Variants in ANKFN1 observed in about 807,000 individuals in gnomAD.
ANKFN1 encodes the protein ankyrin repeat and fibronectin type-III domain-containing protein 1.
In ANKFN1, 74 loss-of-function variants were observed where a neutral mutation model predicts 108.7. The ratio of observed to expected loss-of-function variants is 0.68; its 90% CI spans 0.56 to 0.83. The LOEUF (loss-of-function observed/expected upper bound fraction) is 0.83, where lower values mean the gene tolerates loss of function less well. Ranked by LOEUF, ANKFN1 falls within the 40% of genes least tolerant of loss-of-function variation. The probability of loss-of-function intolerance (pLI) is 0.00; values close to 1 mark genes in which losing one functional copy is unlikely to be tolerated. For synonymous variants in ANKFN1, 547 were observed against 516.2 expected (o/e 1.06, Z -0.81); for missense variants, 1,505 against 1,382.3 (o/e 1.09, Z -1.41).
rs1598747005 is a variant in ANKFN1 at position 56,514,002 on chromosome 17, C to T, written c.*2733C>T. Among the ~76,000 whole-genome samples, 1 of 152,132 alleles carries T rather than the reference C, an allele frequency of 6.6e-6. No homozygotes were observed. The highest frequency in any genetic ancestry group is 2.4e-5 in the African/African-American group (1 of 41,430). On this transcript the variant is annotated 3_prime_UTR_variant, in exon 21 of 21. Transcript: ENST00000682825. ...AATTCACAGTCCTTTATTCATTTGG[C>T]CGACCTTCTACTTACAGAGACTTTA... is the stretch of plus-strand genomic sequence containing the variant.
intron 1 of ANKFN1, among the ~76,000 whole-genome samples, chr17:56,163,543 C>T (rs1909873757): frequency 6.6e-6 from 1 of 152,190 alleles, no homozygotes; most frequent in Non-Finnish European, 1.5e-5. Flanking sequence ...TGACCCATGC[C>T]GACTTTCATA....
chr17:56,395,821 C>T (rs887102901), intron 8 of ANKFN1, among the ~76,000 whole-genome samples: 2 of 152,118 alleles, frequency 1.3e-5, no homozygotes, highest in African/African-American at 4.8e-5. Context: ...TGCACTCCAG[C>T]CTGGCGACAG....
intron 4 of ANKFN1, among the ~76,000 whole-genome samples, chr17:56,327,815 G>A (rs1245794911): frequency 6.6e-6 from 1 of 152,186 alleles, no homozygotes; most frequent in African/African-American, 2.4e-5. Context: ...ATGTTTTCAT[G>A]AGAAACTACT....
chr17:56,398,227 GTACATGA>G (rs1346017885), intron 8 of ANKFN1, among the ~76,000 whole-genome samples: 1 of 152,096 alleles, frequency 6.6e-6, no homozygotes, highest in Non-Finnish European at 1.5e-5. Context: ...CTGGCACTTG[GTACATGA>G]TACATTATTG....
At chr17:56,118,841 C>G (rs1046585420) in intron 4 of ANKFN1, among the ~76,000 whole-genome samples, 2 of 152,222 alleles carry the variant, frequency 1.3e-5, no homozygotes, top group Middle Eastern at 3.4e-3. Flanking sequence ...GATTTGGTCT[C>G]TGTCCTTAAT....
chr17:56,491,823 CT>C, intron 18 of ANKFN1, among the ~76,000 whole-genome samples: 2 of 152,166 alleles, frequency 1.3e-5, no homozygotes, highest in South Asian at 4.1e-4. Context: ...TGCTACTTGG[CT>C]TTTTTTCTTT....
At chr17:56,101,604 C>T (rs1026933545) in intron 4 of ANKFN1, among the ~76,000 whole-genome samples, 1 of 152,182 alleles carries the variant, frequency 6.6e-6, no homozygotes, top group Non-Finnish European at 1.5e-5. Context: ...TTTAAGCAAC[C>T]TGTCACTGGC....
chr17:56,251,409 A>T (rs1296588513), intron 3 of ANKFN1, among the ~76,000 whole-genome samples: 2 of 152,210 alleles, frequency 1.3e-5, no homozygotes, highest in African/African-American at 4.8e-5. Context: ...ATCTGACCCA[A>T]AGAGTAAAGT....
At chr17:56,300,668 C>T (rs11869330) in intron 3 of ANKFN1, among the ~76,000 whole-genome samples, 10,358 of 151,468 alleles carry the variant, frequency 0.068, 490 homozygotes, top group Non-Finnish European at 0.1. Flanking sequence ...CAGACAAGCT[C>T]AAGGAGCAAT....
chr17:56,388,954 T>C (rs945354207), intron 8 of ANKFN1, among the ~76,000 whole-genome samples: 3 of 151,534 alleles, frequency 2.0e-5, no homozygotes, highest in African/African-American at 7.3e-5. Context: ...GCTCTTACAT[T>C]GTTTGTGGGA....
intron 1 of ANKFN1, among the ~76,000 whole-genome samples, chr17:56,191,422 C>T (rs1427688326): frequency 4.9e-5 from 3 of 60,636 alleles, no homozygotes; most frequent in Non-Finnish European, 7.9e-5. Context: ...GTGACAAAAT[C>T]GGTCAGCATT....
intron 1 of ANKFN1, among the ~76,000 whole-genome samples, chr17:56,163,735 T>C (rs1040526701): frequency 2.6e-5 from 4 of 152,216 alleles, no homozygotes; most frequent in African/African-American, 7.2e-5. Context: ...CATTTAGCTC[T>C]ACCTAATAGT....
chr17:56,126,090 C>A (rs1192589075), intron 4 of ANKFN1, among the ~76,000 whole-genome samples: 1 of 152,178 alleles, frequency 6.6e-6, no homozygotes, highest in Non-Finnish European at 1.5e-5. Context: ...CTGGACTGTT[C>A]TGTGGGCCAA....
At chr17:56,288,055 A>AT (rs58175322) in intron 3 of ANKFN1, among the ~76,000 whole-genome samples, 14,383 of 147,556 alleles carry the variant, frequency 0.097, 1,458 homozygotes, top group African/African-American at 0.26. Flanking sequence ...AAGGCCCTGC[A>AT]TTTTTTTTTT....
chr17:56,100,621 T>G (rs9894332), intron 4 of ANKFN1, among the ~76,000 whole-genome samples: 87,093 of 151,986 alleles, frequency 0.57, 25,163 homozygotes, highest in East Asian at 0.69. Context: ...CCAGTGTTTT[T>G]GCAATCCCCT....
intron 8 of ANKFN1, among the ~76,000 whole-genome samples, chr17:56,402,194 G>T (rs1162781610): frequency 2.0e-5 from 3 of 152,120 alleles, no homozygotes. Flanking sequence ...GTATTAGAGT[G>T]ATGCTGGCTT....
At chr17:56,047,351 A>AGGGGGGAAAGG (rs1904696949) in intron 4 of ANKFN1, among the ~76,000 whole-genome samples, 1 of 151,810 alleles carries the variant, frequency 6.6e-6, no homozygotes, top group Admixed American at 6.6e-5. Context: ...TCTCCAAGAG[A>AGGGGGGAAAGG]GGGGGAAAGG....
At chr17:56,463,297 A>AAGT (rs2049971728) in intron 14 of ANKFN1, among the ~76,000 whole-genome samples, 1 of 152,218 alleles carries the variant, frequency 6.6e-6, no homozygotes, top group Non-Finnish European at 1.5e-5. Context: ...CATAGATAGG[A>AAGT]AGTAGCAGAT....
chr17:56,245,623 G>C (rs924876744), intron 3 of ANKFN1: 1 of 152,096 alleles, frequency 6.6e-6, no homozygotes, highest in African/African-American at 2.4e-5. Context: ...TAGTAATACT[G>C]TTTTATCTGG....
Sources: gnomAD v4.1 joint callset for allele counts (sites outside exome capture counted in the v4.1 genomes callset) on GRCh38, gnomAD v4.1.1 for gene constraint, MANE v1.5 for transcripts, NCBI Gene and HGNC (gene_info 2026-07-23, HGNC 2026-07-21) for gene names.